JRK: variants seen among roughly 807,000 people sequenced by gnomAD.
The protein encoded by JRK is jerky protein homolog.
For missense variants in JRK, 720 were observed against 509.2 expected, an observed-to-expected ratio of 1.41 and a Z score of -3.98; for synonymous variants, 303 against 218.1, an observed-to-expected ratio of 1.39 and a Z score of -3.43.
chr8:142,667,880 C>T (rs1381578812), intron 1 of JRK, among the ~76,000 whole-genome samples: 2 of 152,250 alleles, frequency 1.3e-5, no homozygotes, highest in African/African-American at 4.8e-5. Context: ...CACCCCACAA[C>T]CCTCCCTACA....
intron 1 of JRK, among the ~76,000 whole-genome samples, chr8:142,668,553 G>A (rs1415610643): frequency 1.3e-5 from 2 of 151,828 alleles, no homozygotes; most frequent in Non-Finnish European, 2.9e-5. Context: ...AAAAACTGGG[G>A]GAGACACGGA....
chr8:142,659,086 CCAT>C lies in JRK; in HGVS notation c.*5263_*5265del. The stretch of plus-strand genomic sequence containing the variant: ...ATTTTTTCTCTTCAGAACTGACAGC[CCAT>C]CAAGGTACAATGAAATAGAAAAAAG... On this transcript the variant is annotated 3_prime_UTR_variant, in exon 2 of 2. Coordinates refer to ENST00000612905, the MANE Select transcript of JRK (RefSeq NM_003724.4). 7.1e-7 allele frequency: 1 copy of C among 1,404,386 alleles called. No homozygotes were observed. Among genetic ancestry groups the C allele is most frequent in the South Asian group, 1.6e-5 (1 of 62,534 alleles). 87.0% of individuals were successfully genotyped at this position (1,404,386 alleles called of 1,614,324 possible).
chr8:142,648,789 G>C, the JRK span, among the ~76,000 whole-genome samples: 1 of 152,210 alleles, frequency 6.6e-6, no homozygotes, highest in African/African-American at 2.4e-5. Context: ...CCAGACCCCA[G>C]AATGGTAGAT....
At chr8:142,668,533 C>T (rs146763474) in intron 1 of JRK, among the ~76,000 whole-genome samples, 1 of 151,790 alleles carries the variant, frequency 6.6e-6, no homozygotes, top group African/African-American at 2.4e-5. Flanking sequence ...TTAATATGAA[C>T]CCGCTGTAGA....
Position 142,660,335 on chromosome 8 carries a change from C to T in JRK, c.*4017G>A. On this transcript the variant is annotated 3_prime_UTR_variant, in exon 2 of 2. Coordinates refer to ENST00000612905, the MANE Select transcript of JRK (RefSeq NM_003724.4). Reference sequence around the variant, plus strand: ...ACACCCACCAGCCCATGACTGTCCACATCCTGACCCCTACCTACCTCATGA... The same window carrying T: ...ACACCCACCAGCCCATGACTGTCCATATCCTGACCCCTACCTACCTCATGA... 2.0e-6 allele frequency: 2 copies of T among 985,652 alleles called. No homozygotes were observed. The highest frequency in any genetic ancestry group is 2.4e-6 in the Non-Finnish European group (2 of 830,032). The allele number at this position is 985,652 out of a possible 1,614,324, so 61.1% of individuals were successfully genotyped here.
rs781887118 is a variant in JRK at position 142,665,898 on chromosome 8, T to C, written c.161A>G (p.Asp54Gly). 1.3e-6 allele frequency: 1 copy of C among 788,652 alleles called. No individual in the cohort carries two copies. The highest frequency in any genetic ancestry group is 1.7e-5 in the Admixed American group (1 of 58,998). The allele number at this position is 788,652 out of a possible 1,614,324, so 48.9% of individuals were successfully genotyped here. Residue 54 changes from aspartate to glycine, a missense_variant, in exon 2 of 2, where the codon GAC (aspartate) becomes GGC (glycine). Physicochemically the swap from Asp to Gly is moderately conservative, Grantham distance 94. Transcript: ENST00000612905. ...EYNVGMSTLY[D>G]IRAHKAQLLR... ...CAGCTGCGCCTTGTGGGCCCTGATG[T>C]CGTAGAGGGTGGACATGCCCACATT... is the stretch of plus-strand genomic sequence containing the variant.
In JRK at chr8:142,664,832, C is replaced by T. The variant is rs1847043260; in HGVS notation, c.1227G>A (p.Lys409=). 2 of 1,592,344 alleles carry T rather than the reference C, an allele frequency of 1.3e-6. No homozygotes were observed. Among genetic ancestry groups the T allele is most frequent in the African/African-American group, 1.3e-5 (1 of 74,560 alleles). Residue 409 remains lysine (K), a synonymous_variant, in exon 2 of 2, where the codon AAG becomes AAA. Transcript: ENST00000612905. ...EELEAECFPV[K]PHNKSFAHIL... is the part of the protein sequence containing the mutation. ...TGTGTGCAAAGGACTTGTTGTGGGG[C>T]TTCACTGGGAAGCACTCTGCCTCCA...
rs868948969 is a variant in JRK at position 142,663,783 on chromosome 8, C to T, written c.*569G>A. The T allele has an allele frequency of 3.0e-6, 3 of 985,724 alleles. No individual in the cohort carries two copies. Among genetic ancestry groups the T allele is most frequent in the Non-Finnish European group, 3.6e-6 (3 of 830,244 alleles). 61.1% of individuals were successfully genotyped at this position (985,724 alleles called of 1,614,324 possible). ...GAGGCCACAACTGAAGTGAGATGTG[C>T]GGCCTGTTCAGCCGCTAGCAGGCCA... On this transcript the variant is annotated 3_prime_UTR_variant, in exon 2 of 2. Transcript: ENST00000612905.
In JRK at chr8:142,658,504, C is replaced by G. The variant is rs918842192; in HGVS notation, c.*5848G>C. On this transcript the variant is annotated 3_prime_UTR_variant, in exon 2 of 2. Coordinates refer to ENST00000612905, the MANE Select transcript of JRK (RefSeq NM_003724.4). ...CCAGTGCTGGGATTACAGGCGTGAGCCACTGCACCCAGCTTGAAGATGGCA... is the reference window on the plus strand; with the variant it reads ...CCAGTGCTGGGATTACAGGCGTGAGGCACTGCACCCAGCTTGAAGATGGCA... 5.0e-6 allele frequency: 1 copy of G among 201,914 alleles called. No individual in the cohort carries two copies. Among genetic ancestry groups the G allele is most frequent in the African/African-American group, 2.3e-5 (1 of 43,068 alleles). The allele number at this position is 201,914 out of a possible 1,614,324, so 12.5% of individuals were successfully genotyped here. A position where few individuals can be genotyped will look rare whatever the true frequency, so the allele number is the denominator to read the frequency against.
In JRK at chr8:142,661,800, C is replaced by T; in HGVS notation, c.*2552G>A. 2 of 985,570 alleles carry T rather than the reference C, an allele frequency of 2.0e-6. No individual in the cohort carries two copies. Among genetic ancestry groups the T allele is most frequent in the Non-Finnish European group, 2.4e-6 (2 of 830,062 alleles). The allele number at this position is 985,570 out of a possible 1,614,324, so 61.1% of individuals were successfully genotyped here. A position where few individuals can be genotyped will look rare whatever the true frequency, so the allele number is the denominator to read the frequency against. ...CTGAGAGGGCTTGGGGAAAAAGATT[C>T]TGAGGCTAAAACATTCAACCACTTG... is the stretch of plus-strand genomic sequence containing the variant. On this transcript the variant is annotated 3_prime_UTR_variant, in exon 2 of 2. Coordinates refer to ENST00000612905, the MANE Select transcript of JRK (RefSeq NM_003724.4).
Position 142,664,191 on chromosome 8 carries a change from C to A in JRK, c.*161G>T, listed in dbSNP as rs1322234970. ...GACAGGAACCTCGGGCACAGACCGT[C>A]CTGGGCACCCGAGCCACACCCGTGG... On this transcript the variant is annotated 3_prime_UTR_variant, in exon 2 of 2. Transcript: ENST00000612905. 111 of 1,399,052 alleles carry A rather than the reference C, an allele frequency of 7.9e-5. No individual in the cohort carries two copies. In the South Asian group the frequency reaches 1.9e-3, roughly 24 times the overall value. 86.7% of individuals were successfully genotyped at this position (1,399,052 alleles called of 1,614,324 possible). A position where few individuals can be genotyped will look rare whatever the true frequency, so the allele number is the denominator to read the frequency against.
Position 142,660,172 on chromosome 8 carries a change from AGTC to A in JRK, c.*4177_*4179del. 1 of 985,580 alleles carries A rather than the reference AGTC, an allele frequency of 1.0e-6. No individual in the cohort carries two copies. Among genetic ancestry groups the A allele is most frequent in the Middle Eastern group, 5.2e-4 (1 of 1,912 alleles). 61.1% of individuals were successfully genotyped at this position (985,580 alleles called of 1,614,324 possible). On this transcript the variant is annotated 3_prime_UTR_variant, in exon 2 of 2. Coordinates refer to ENST00000612905, the MANE Select transcript of JRK (RefSeq NM_003724.4). ...TCCCCAGCCTCCCAGTAGGCAGCTG[AGTC>A]CAACGCAGTGCCCGAGAGCTCAGCC...
chr8:142,659,514 T>C lies in JRK; in HGVS notation c.*4838A>G, dbSNP rs1223970462. The C allele has an allele frequency of 1.1e-5, 11 of 985,784 alleles. No homozygotes were observed. Among genetic ancestry groups the C allele is most frequent in the South Asian group, 4.7e-5 (1 of 21,312 alleles). 61.1% of individuals were successfully genotyped at this position (985,784 alleles called of 1,614,324 possible). On this transcript the variant is annotated 3_prime_UTR_variant, in exon 2 of 2. Coordinates refer to ENST00000612905, the MANE Select transcript of JRK (RefSeq NM_003724.4). The stretch of plus-strand genomic sequence containing the variant: ...GGCTCTCTGCGATAGGGCCCAGCCA[T>C]GGCCAGTGGGCCTCCCACAATCTGC...
intron 1 of JRK, among the ~76,000 whole-genome samples, chr8:142,669,379 A>C (rs1032051446): frequency 2.6e-5 from 4 of 151,820 alleles, no homozygotes; most frequent in East Asian, 3.9e-4. Flanking sequence ...GCCGGCGCCG[A>C]GTTCCGCTAG....
rs374487559 is a variant in JRK at position 142,666,049 on chromosome 8, T to G, written c.10A>C (p.Lys4Gln). 3 of 1,606,370 alleles carry G rather than the reference T, an allele frequency of 1.9e-6. No homozygotes were observed. The highest frequency in any genetic ancestry group is 2.6e-6 in the Non-Finnish European group (3 of 1,175,480). MAS[K>Q]PAAGKSRGEK... is the part of the protein sequence containing the mutation. ...CCTCTGCTCTTCCCGGCAGCCGGCT[T>G]GGAGGCCATGGGGAGGGGTGGCTGG... Residue 4 changes from lysine (K) to glutamine (Q), a missense_variant, in exon 2 of 2, where the codon AAG (lysine) becomes CAG (glutamine). Transcript: ENST00000612905.
rs1554635254 is a variant in JRK at position 142,664,685 on chromosome 8, T to G, written c.1374A>C (p.Pro458=). The change falls in exon 2 of 2, where the codon CCA becomes CCC. Residue 458 remains proline, a synonymous_variant. Coordinates refer to ENST00000612905, the MANE Select transcript of JRK (RefSeq NM_003724.4). ...EGGRPPAATS[P]AEVVWSSEKT... ...TTTCTGAACTCCACACAACCTCTGC[T>G]GGCGACGTGGCAGCAGGGGGCCGTC... 5.0e-6 allele frequency: 8 copies of G among 1,610,362 alleles called. No homozygotes were observed. In the South Asian group the frequency reaches 8.9e-5, roughly 18 times the overall value.
chr8:142,663,596 T>A lies in JRK; in HGVS notation c.*756A>T. 1 of 985,456 alleles carries A rather than the reference T, an allele frequency of 1.0e-6. No homozygotes were observed. Among genetic ancestry groups the A allele is most frequent in the Non-Finnish European group, 1.2e-6 (1 of 829,928 alleles). 61.0% of individuals were successfully genotyped at this position (985,456 alleles called of 1,614,324 possible). A position where few individuals can be genotyped will look rare whatever the true frequency, so the allele number is the denominator to read the frequency against. On this transcript the variant is annotated 3_prime_UTR_variant, in exon 2 of 2. Coordinates refer to ENST00000612905, the MANE Select transcript of JRK (RefSeq NM_003724.4). The stretch of plus-strand genomic sequence containing the variant: ...TACCACACAGGGTCCGTGTCCTCTA[T>A]CCGGGTGATGAGCAGGGCCTGGTCA...
At chr8:142,652,552 T>G (rs1554633271), downstream of JRK, among the ~76,000 whole-genome samples, 1 of 141,546 alleles carries the variant, frequency 7.1e-6, no homozygotes, top group East Asian at 2.1e-4. Context: ...TACATTTATC[T>G]CAATGAGCAG....
Position 142,658,003 on chromosome 8 carries a change from G to A in JRK, c.*6349C>T, listed in dbSNP as rs1397652441. ...TGGGAATCCTCCAGGCCCTGGCCAT[G>A]AGGTGCTCCGTATTTATTGCCTCTG... is the stretch of plus-strand genomic sequence containing the variant. On this transcript the variant is annotated 3_prime_UTR_variant, in exon 2 of 2. Coordinates refer to ENST00000612905, the MANE Select transcript of JRK (RefSeq NM_003724.4). 1.3e-5 allele frequency: 2 copies of A among 152,338 alleles called. No individual in the cohort carries two copies. Among genetic ancestry groups the A allele is most frequent in the African/African-American group, 4.8e-5 (2 of 41,466 alleles). The allele number at this position is 152,338 out of a possible 1,614,324, so 9.4% of individuals were successfully genotyped here.
Sources: allele counts gnomAD v4.1 joint callset (sites outside exome capture counted in the v4.1 genomes callset), GRCh38; gene constraint gnomAD v4.1.1; transcripts MANE v1.5; gene names NCBI Gene and HGNC (gene_info 2026-07-23, HGNC 2026-07-21).